The following PIK3R6 variants were observed in gnomAD, a reference collection of about 807,000 sequenced individuals.
The protein encoded by PIK3R6 is phosphoinositide-3-kinase regulatory subunit 6.
A neutral mutation model predicts 84.9 loss-of-function variants in PIK3R6; 91 were observed. The observed-to-expected ratio is 1.07, with a 90% CI of 0.90 to 1.28. The LOEUF is 1.28. Among genes scored for constraint, PIK3R6 ranks in the 50% most tolerant of loss-of-function variants. The pLI is 0.00. For synonymous variants in PIK3R6, 416 were observed against 411.4 expected, an observed-to-expected ratio of 1.01 and a Z score of -0.13; for missense variants, 996 against 985.1, an observed-to-expected ratio of 1.01 and a Z score of -0.15.
intron 18 of PIK3R6, among the ~76,000 whole-genome samples, chr17:8,806,253 C>T (rs1243407011): frequency 6.6e-6 from 1 of 152,194 alleles, no homozygotes; most frequent in Non-Finnish European, 1.5e-5. Context: ...GACTGGGGAT[C>T]GAATGTGACC....
chr17:8,837,016 A>T, intron 5 of PIK3R6, 93 bp from the exon 6 acceptor site: 1 of 944,982 alleles, frequency 1.1e-6, no homozygotes, highest in Non-Finnish European at 1.6e-6. Flanking sequence ...GTTTCCGGGG[A>T]GGGGCTTGGG....
chr17:8,821,988 C>T, intron 16 of PIK3R6, 52 bp from the exon 17 acceptor site: 1 of 1,373,100 alleles, frequency 7.3e-7, no homozygotes, highest in East Asian at 2.5e-5. Flanking sequence ...ATACCCTTTC[C>T]CCATGCATCC....
At chr17:8,812,419 C>T (rs2087386187) in intron 18 of PIK3R6, among the ~76,000 whole-genome samples, 1 of 152,216 alleles carries the variant, frequency 6.6e-6, no homozygotes, top group African/African-American at 2.4e-5. Context: ...CAGACATTTA[C>T]AGAACAATCT....
At position 8,821,840 on chromosome 17, in the gene PIK3R6, C is replaced by T. The variant is rs1486940789; in HGVS notation, c.1879+6G>A. On this transcript the variant is annotated splice_donor_region_variant and intron_variant, in intron 17 of 19. Transcript: ENST00000619866. ...CTTTCTTTGCTCTGCATTCCCCATT[C>T]CTCACCTTCTGTGTCGCTGGCTGGA... 8 of 1,586,752 alleles carry T rather than the reference C, an allele frequency of 5.0e-6. No homozygotes were observed. The highest frequency in any genetic ancestry group is 6.9e-6 in the Non-Finnish European group (8 of 1,165,804).
At chr17:8,836,759 C>T (rs372731718) in intron 6 of PIK3R6, 32 bp downstream of exon 6, 33 of 1,610,672 alleles carry the variant, frequency 2.0e-5, no homozygotes, top group African/African-American at 1.7e-4. Context: ...GGAGGTGCAG[C>T]GTGGGAGACA....
rs1334711057 is a variant in PIK3R6 at position 8,823,020 on chromosome 17, T to C, written c.1693A>G (p.Ile565Val). Residue 565 changes from isoleucine (I) to valine (V), a missense_variant, in exon 15 of 20, where the codon ATC (isoleucine) becomes GTC (valine). By Grantham distance (29) the Ile-to-Val change is conservative (BLOSUM62 3). Transcript: ENST00000619866. ...DIFLIELKVK[I>V]QDSKFPKDGF... The stretch of plus-strand genomic sequence containing the variant: ...CCTTTGGGGAATTTAGAATCTTGGA[T>C]CTTCACCTTCAGTTCAATGAGGAAA... 1.2e-6 allele frequency: 2 copies of C among 1,609,734 alleles called. No homozygotes were observed. Among genetic ancestry groups the C allele is most frequent in the East Asian group, 2.2e-5 (1 of 44,858 alleles).
In PIK3R6 at chr17:8,828,566, C is replaced by G; in HGVS notation, c.1313+1G>C. 1 of 1,612,100 alleles carries G rather than the reference C, an allele frequency of 6.2e-7. No individual in the cohort carries two copies. Among genetic ancestry groups the G allele is most frequent in the Non-Finnish European group, 8.5e-7 (1 of 1,179,486 alleles). ...CCCCAGCCCCCACGTCGGGGCCCCA[C>G]CTGAGTCTGTGGTAGGCCTGGGCCA... On this transcript the variant is annotated splice_donor_variant, in intron 11 of 19. Transcript: ENST00000619866. LOFTEE classifies it high-confidence loss of function.
At position 8,825,557 on chromosome 17, in the gene PIK3R6, G is replaced by C. The variant is rs189715434; in HGVS notation, c.1515+1615C>G. Among the ~76,000 whole-genome samples, 174 of 152,306 alleles carry C rather than the reference G, an allele frequency of 1.1e-3. 1 individual carries two copies. Among genetic ancestry groups the C allele is most frequent in the Non-Finnish European group, 1.7e-3 (118 of 68,020 alleles). On this transcript the variant is annotated intron_variant, in intron 13 of 19. Transcript: ENST00000619866. ...TATCATGTACTAAATACAAGTACAC[G>C]TAAGTATTTAGCAAATGATAAAAGT...
At chr17:8,832,328 G>C (rs534021654) in intron 9 of PIK3R6, among the ~76,000 whole-genome samples, 14 of 151,528 alleles carry the variant, frequency 9.2e-5, no homozygotes, top group Admixed American at 6.6e-5. Flanking sequence ...GAGTATAGTA[G>C]GGGCTCTGTG....
intron 1 of PIK3R6, among the ~76,000 whole-genome samples, chr17:8,856,340 G>A (rs891875942): frequency 6.6e-6 from 1 of 152,170 alleles, no homozygotes. Context: ...GGTGGCTCAC[G>A]CCTATAATCC....
At chr17:8,857,512 C>T (rs1163968116) in intron 1 of PIK3R6, among the ~76,000 whole-genome samples, 2 of 152,088 alleles carry the variant, frequency 1.3e-5, no homozygotes, top group African/African-American at 4.8e-5. Flanking sequence ...CTGGGGCGGC[C>T]TGGGTTAATA....
At chr17:8,804,888 T>C (rs189705157) in intron 18 of PIK3R6, among the ~76,000 whole-genome samples, 48 of 152,332 alleles carry the variant, frequency 3.2e-4, no homozygotes, top group Admixed American at 5.2e-4. Context: ...TAAGAATCAA[T>C]TTTCAAAAAC....
chr17:8,866,347 C>A (rs1420997108), intron 1 of PIK3R6, among the ~76,000 whole-genome samples: 1 of 152,100 alleles, frequency 6.6e-6, no homozygotes, highest in African/African-American at 2.4e-5. Context: ...ACCATCCTGG[C>A]TAACACGGTG....
intron 13 of PIK3R6, among the ~76,000 whole-genome samples, chr17:8,824,051 C>T (rs974704633): frequency 1.3e-5 from 2 of 152,144 alleles, no homozygotes; most frequent in African/African-American, 4.8e-5. Context: ...GGGCGGGTCA[C>T]CTGAGGTCAG....
chr17:8,845,866 G>A (rs150571428), intron 2 of PIK3R6, among the ~76,000 whole-genome samples: 2 of 152,278 alleles, frequency 1.3e-5, no homozygotes, highest in African/African-American at 2.4e-5. Flanking sequence ...AAACCTGGGG[G>A]GTGGAGATTG....
intron 1 of PIK3R6, among the ~76,000 whole-genome samples, chr17:8,860,329 A>G (rs938342260): frequency 6.6e-6 from 1 of 152,094 alleles, no homozygotes; most frequent in Non-Finnish European, 1.5e-5. Context: ...AGAAGCTCGA[A>G]CCCTATTGTG....
chr17:8,827,122 AC>A, intron 13 of PIK3R6, 49 bp downstream of exon 13: 1 of 1,593,266 alleles, frequency 6.3e-7, no homozygotes, highest in Non-Finnish European at 8.6e-7. Flanking sequence ...CTCTGCCCAG[AC>A]CCCACTCCCG....
Position 8,839,176 on chromosome 17 carries a change from C to T in PIK3R6, c.97+438G>A, listed in dbSNP as rs1176230143. Among the ~76,000 whole-genome samples the T allele has an allele frequency of 6.6e-6, 1 of 152,012 alleles. No individual in the cohort carries two copies. The highest frequency in any genetic ancestry group is 1.5e-5 in the Non-Finnish European group (1 of 68,002). On this transcript the variant is annotated intron_variant, in intron 3 of 19. Transcript: ENST00000619866. This position sits in a 1 kb window ranked among gnomAD's most constrained non-coding sequence, Gnocchi z 4.2. ...CAACCTGGCCAACATGGTGAAACTG[C>T]ATCTCTACGAAAAATACAAAAATTA... is the stretch of plus-strand genomic sequence containing the variant.
chr17:8,845,539 C>A (rs2088795374), intron 2 of PIK3R6, among the ~76,000 whole-genome samples: 1 of 152,022 alleles, frequency 6.6e-6, no homozygotes, highest in African/African-American at 2.4e-5. Flanking sequence ...TGTGTAAATT[C>A]CTTATATATT....
Sources: gnomAD v4.1 joint callset for allele counts (sites outside exome capture counted in the v4.1 genomes callset) on GRCh38, gnomAD v4.1.1 for gene constraint, Gnocchi (gnomAD v3.1) non-coding constraint, MANE v1.5 for transcripts, NCBI Gene and HGNC (gene_info 2026-07-23, HGNC 2026-07-21) for gene names.